The following BLM variants were observed in gnomAD, a reference collection of about 807,000 sequenced individuals.
The protein encoded by BLM is recQ-like DNA helicase BLM.
Under a neutral mutation model 135.3 loss-of-function variants are expected in BLM, and 95 were observed. The ratio of observed to expected loss-of-function variants is 0.70; its 90% CI spans 0.59 to 0.83. BLM has a LOEUF of 0.83. Among genes scored for constraint, BLM ranks in the 40% least tolerant of loss-of-function variants. BLM has a pLI of 0.00. For synonymous variants in BLM, 520 were observed against 589.2 expected (o/e 0.88, Z 1.70); for missense variants, 1,518 against 1,663.9 (o/e 0.91, Z 1.53).
intron 14 of BLM, among the ~76,000 whole-genome samples, chr15:90,788,971 A>AG (rs1896830207): frequency 1.7e-5 from 1 of 58,868 alleles, no homozygotes; most frequent in African/African-American, 8.8e-5. Flanking sequence ...AGACTGTCTC[A>AG]AAAAAAAAAA....
chr15:90,745,981 G>A lies in BLM; in HGVS notation c.-4-1408G>A, dbSNP rs569603581. Reference sequence around the variant, plus strand: ...AGTCCCAGATAACTCAGGAAGCTGAGGTGGGAGGATCACTTGAGCCCAAGA... The same window carrying A: ...AGTCCCAGATAACTCAGGAAGCTGAAGTGGGAGGATCACTTGAGCCCAAGA... On this transcript the variant is annotated intron_variant, in intron 1 of 21. Transcript: ENST00000355112. Among the ~76,000 whole-genome samples the A allele has an allele frequency of 2.6e-4, 39 of 152,272 alleles. No homozygotes were observed. The South Asian group carries it at 8.1e-3, about 32-fold the overall frequency.
rs112351336 is a variant in BLM at position 90,798,408 on chromosome 15, A to G, written c.3358+71A>G. ...AACATCTAAAGAATTTATTACAAGTACATAGAAAAACTTTTTGTCTATTTT... is the reference window on the plus strand; with the variant it reads ...AACATCTAAAGAATTTATTACAAGTGCATAGAAAAACTTTTTGTCTATTTT... On this transcript the variant is annotated intron_variant, in intron 17 of 21. Transcript: ENST00000355112. 23 of 1,492,604 alleles carry G rather than the reference A, an allele frequency of 1.5e-5. No homozygotes were observed. The African/African-American group carries it at 2.1e-4, about 14-fold the overall frequency. 92.5% of individuals were successfully genotyped at this position (1,492,604 alleles called of 1,614,324 possible).
intron 1 of BLM, among the ~76,000 whole-genome samples, chr15:90,727,818 T>C (rs571820432): frequency 6.6e-6 from 1 of 152,076 alleles, no homozygotes; most frequent in East Asian, 1.9e-4. Context: ...AAATGTTAGC[T>C]GTGAGTACAA....
Position 90,809,122 on chromosome 15 carries a change from TA to T in BLM, c.3752-14del. On this transcript the variant is annotated splice_polypyrimidine_tract_variant and intron_variant, in intron 19 of 21. Coordinates refer to ENST00000355112, the MANE Select transcript of BLM (RefSeq NM_000057.4). ...GGGTGATAATTTAAATTCCTAATTTTATGCCTTTGCACAGAATCTTTATCTT... is the reference window on the plus strand; with the variant it reads ...GGGTGATAATTTAAATTCCTAATTTTTGCCTTTGCACAGAATCTTTATCTT... The T allele has an allele frequency of 6.2e-7, 1 of 1,614,138 alleles. No homozygotes were observed.
chr15:90,785,930 T>C (rs944745985), intron 14 of BLM, among the ~76,000 whole-genome samples: 6 of 152,112 alleles, frequency 3.9e-5, no homozygotes, highest in Non-Finnish European at 7.4e-5. Flanking sequence ...TATTCTGTTA[T>C]ATGGATATAA....
chr15:90,749,722 A>G lies in BLM; in HGVS notation c.454A>G (p.Asn152Asp), dbSNP rs2151147384. 3 of 1,614,192 alleles carry G rather than the reference A, an allele frequency of 1.9e-6. No homozygotes were observed. Among genetic ancestry groups the G allele is most frequent in the Non-Finnish European group, 2.5e-6 (3 of 1,180,010 alleles). Residue 152 changes from asparagine to aspartate, a missense_variant, in exon 3 of 22, where the codon AAT becomes GAT. By Grantham distance (23) the Asn-to-Asp change is conservative. Around this residue, in one of 5 missense-constraint regions of BLM, gnomAD observed 724 missense variants for 756.9 expected, o/e 0.96. Coordinates refer to ENST00000355112, the MANE Select transcript of BLM (RefSeq NM_000057.4). Reference sequence around the variant, plus strand: ...TTCACCAGATTCTTTAAGTACCATCAATGATTGGGATGATATGGATGACTT... The same window carrying G: ...TTCACCAGATTCTTTAAGTACCATCGATGATTGGGATGATATGGATGACTT... The part of the protein sequence containing the change: ...SSSPDSLSTI[N>D]DWDDMDDFDT...
chr15:90,794,527 C>T lies in BLM; in HGVS notation c.3210+170C>T, dbSNP rs559417931. 8.6e-5 allele frequency among the ~76,000 whole-genome samples: 13 copies of T among 151,804 alleles called. No individual in the cohort carries two copies. The South Asian group carries it at 1.0e-3, about 12-fold the overall frequency. ...GAAACATTTAAAAAGTAATTTCATGCGGTATCTTTTCTTTATAATTAGAAC... is the reference window on the plus strand; with the variant it reads ...GAAACATTTAAAAAGTAATTTCATGTGGTATCTTTTCTTTATAATTAGAAC... On this transcript the variant is annotated intron_variant, in intron 16 of 21. Coordinates refer to ENST00000355112, the MANE Select transcript of BLM (RefSeq NM_000057.4).
intron 1 of BLM, among the ~76,000 whole-genome samples, chr15:90,735,247 A>ATTT (rs1451790433): frequency 9.9e-6 from 1 of 100,648 alleles, no homozygotes; most frequent in African/African-American, 3.8e-5. Flanking sequence ...ATATATATAT[A>ATTT]TATATATATA....
At chr15:90,733,810 G>A (rs919895096) in intron 1 of BLM, among the ~76,000 whole-genome samples, 5 of 152,114 alleles carry the variant, frequency 3.3e-5, no homozygotes, top group Admixed American at 1.3e-4. Context: ...TCTTCTTGCC[G>A]GTCAACCACT....
At chr15:90,767,094 C>A in intron 10 of BLM, 71 bp downstream of exon 10, 2 of 1,057,156 alleles carry the variant, frequency 1.9e-6, no homozygotes, top group Non-Finnish European at 2.7e-6. Context: ...AAGATTTTAA[C>A]AAAATTTTGT....
At chr15:90,801,436 G>A (rs7182287) in intron 17 of BLM, among the ~76,000 whole-genome samples, 23,349 of 117,648 alleles carry the variant, frequency 0.2, 1,901 homozygotes, top group East Asian at 0.28. Context: ...GGGTACTAAT[G>A]ACATCTCACA....
chr15:90,794,484 CA>C (rs1434822012), intron 16 of BLM, 127 bp downstream of exon 16: 2 of 689,312 alleles, frequency 2.9e-6, no homozygotes, highest in East Asian at 5.9e-5. Flanking sequence ...AGCTTCCTTC[CA>C]GTAGTAATTT....
chr15:90,783,014 C>A, intron 13 of BLM, 86 bp downstream of exon 13: 1 of 1,096,552 alleles, frequency 9.1e-7, no homozygotes, highest in East Asian at 2.5e-5. Context: ...GCATATTAAA[C>A]ATTCCTTTTT....
chr15:90,785,468 C>T (rs1368946521), intron 14 of BLM, among the ~76,000 whole-genome samples: 1 of 152,098 alleles, frequency 6.6e-6, no homozygotes, highest in Non-Finnish European at 1.5e-5. Flanking sequence ...CTACTGCTAA[C>T]CTGTTTCTAG....
At chr15:90,770,404 C>T (rs1257504608) in intron 12 of BLM, among the ~76,000 whole-genome samples, 1 of 152,150 alleles carries the variant, frequency 6.6e-6, no homozygotes, top group Non-Finnish European at 1.5e-5. Context: ...TCTCGATCTC[C>T]TGACCTCGTG....
chr15:90,740,354 T>C (rs186149208), intron 1 of BLM, among the ~76,000 whole-genome samples: 28 of 152,356 alleles, frequency 1.8e-4, no homozygotes, highest in Admixed American at 3.9e-4. Context: ...TGTGGCTGGA[T>C]TCTTTCACTT....
At chr15:90,724,310 G>A (rs765499902) in intron 1 of BLM, among the ~76,000 whole-genome samples, 2 of 152,146 alleles carry the variant, frequency 1.3e-5, no homozygotes, top group African/African-American at 2.4e-5. Context: ...ACTTCATCTA[G>A]TCAATTTTTT....
intron 15 of BLM, among the ~76,000 whole-genome samples, chr15:90,793,381 C>T (rs1337267731): frequency 6.6e-6 from 1 of 152,086 alleles, no homozygotes; most frequent in Non-Finnish European, 1.5e-5. Flanking sequence ...GTGATCCGCC[C>T]ACCTTGGCCT....
intron 1 of BLM, among the ~76,000 whole-genome samples, chr15:90,719,030 C>T (rs985011512): frequency 2.0e-5 from 3 of 152,048 alleles, no homozygotes; most frequent in Admixed American, 6.6e-5. Flanking sequence ...CTCGCTCTGT[C>T]GCCCAGGCTG....
Sources: gnomAD v4.1 joint callset for allele counts (sites outside exome capture counted in the v4.1 genomes callset) on GRCh38, gnomAD v4.1.1 for gene constraint, gnomAD v4.1.1 regional missense constraint, MANE v1.5 for transcripts, NCBI Gene and HGNC (gene_info 2026-07-23, HGNC 2026-07-21) for gene names.